Variants in ELAC1 observed in about 807,000 individuals in gnomAD.
The protein encoded by ELAC1 is zinc phosphodiesterase ELAC protein 1.
In ELAC1, 19 loss-of-function variants were observed where a neutral mutation model predicts 25.8. The ratio of observed to expected loss-of-function variants is 0.74; its 90% confidence interval spans 0.51 to 1.08. ELAC1 has a LOEUF of 1.08. Ranked by LOEUF, ELAC1 falls within the 50% of genes least tolerant of loss-of-function variation. ELAC1 has a pLI of 0.00. For missense variants in ELAC1, 403 were observed against 434.6 expected (o/e 0.93, Z 0.65); for synonymous variants, 148 against 160.9 (o/e 0.92, Z 0.61).
chr18:50,986,748 G>T lies in ELAC1; in HGVS notation c.755G>T (p.Gly252Val), dbSNP rs1213369590. Residue 252 changes from glycine (G) to valine (V), a missense_variant, in exon 4 of 4, where the codon GGT becomes GTT. Coordinates refer to ENST00000269466, the MANE Select transcript of ELAC1 (RefSeq NM_018696.3). Reference protein sequence around the residue: ...PIVGRKICILGDCSGVVGDGG... With the variant: ...PIVGRKICILVDCSGVVGDGG... ...GTTGGAAGAAAAATCTGCATATTGG[G>T]TGACTGCTCTGGGGTTGTGGGTGAT... The T allele has an allele frequency of 1.2e-6, 2 of 1,614,164 alleles. No individual in the cohort carries two copies. The highest frequency in any genetic ancestry group is 3.3e-5 in the Admixed American group (2 of 60,006).
intron 1 of ELAC1, 80 bp downstream of exon 1, chr18:50,968,194 C>G (rs1226230461): frequency 6.6e-6 from 1 of 152,076 alleles, no homozygotes; most frequent in African/African-American, 2.4e-5. Flanking sequence ...CGGCCCGGCG[C>G]TGGGGACCTA....
rs570220984 is a variant in ELAC1 at position 50,987,284 on chromosome 18, A to T, written c.*199A>T. On this transcript the variant is annotated 3_prime_UTR_variant, in exon 4 of 4. Transcript: ENST00000269466. The stretch of plus-strand genomic sequence containing the variant: ...AATAAATCTTTTTAAGAGAAAAAAA[A>T]CCCAGCATCCTTTTTGAAGTCCAGA... 162 of 418,480 alleles carry T rather than the reference A, an allele frequency of 3.9e-4. 2 individuals carry two copies. The highest frequency in any genetic ancestry group is 3.0e-3 in the Admixed American group (75 of 25,356). 25.9% of individuals were successfully genotyped at this position (418,480 alleles called of 1,614,324 possible). A position where few individuals can be genotyped will look rare whatever the true frequency, so the allele number is the denominator to read the frequency against.
At chr18:50,981,401 A>T (rs1213595466) in intron 2 of ELAC1, among the ~76,000 whole-genome samples, 2 of 151,596 alleles carry the variant, frequency 1.3e-5, no homozygotes, top group East Asian at 1.9e-4. Context: ...TTTTTTTTTC[A>T]ACTGAGCAAT....
intron 1 of ELAC1, 135 bp from the exon 2 acceptor site, chr18:50,974,262 G>C: frequency 1.6e-6 from 1 of 626,588 alleles, no homozygotes. Context: ...CTGTGGATAT[G>C]TGTGGAATAC....
chr18:50,973,687 T>G (rs1907722242), intron 1 of ELAC1, among the ~76,000 whole-genome samples: 1 of 152,166 alleles, frequency 6.6e-6, no homozygotes, highest in South Asian at 2.1e-4. Context: ...TTGTTGTTGT[T>G]TAGTGTTTAT....
chr18:50,985,188 G>A (rs140577035), intron 3 of ELAC1, among the ~76,000 whole-genome samples: 2 of 152,120 alleles, frequency 1.3e-5, no homozygotes, highest in Non-Finnish European at 2.9e-5. Flanking sequence ...GGTGGTTTTA[G>A]GTCCAGGCTT....
chr18:50,980,800 A>C (rs540430430), intron 2 of ELAC1, among the ~76,000 whole-genome samples: 61 of 151,302 alleles, frequency 4.0e-4, no homozygotes, highest in African/African-American at 1.4e-3. Context: ...TTCTGGCCGT[A>C]GAGAGGAAGG....
At chr18:50,973,563 C>T (rs1907717944) in intron 1 of ELAC1, among the ~76,000 whole-genome samples, 1 of 152,118 alleles carries the variant, frequency 6.6e-6, no homozygotes, top group Non-Finnish European at 1.5e-5. Context: ...CATAATAGAG[C>T]ATTACTGTTA....
At chr18:50,971,547 C>G (rs1282493011) in intron 1 of ELAC1, among the ~76,000 whole-genome samples, 1 of 152,004 alleles carries the variant, frequency 6.6e-6, no homozygotes, top group African/African-American at 2.4e-5. Flanking sequence ...GCCTCCATGT[C>G]CAGCTGATTT....
chr18:50,984,594 C>G, intron 3 of ELAC1, 31 bp downstream of exon 3: 1 of 1,507,594 alleles, frequency 6.6e-7, no homozygotes, highest in Non-Finnish European at 9.1e-7. Context: ...TGTTTTTTCC[C>G]GCCTTCTCAT....
Position 50,971,908 on chromosome 18 carries a change from G to GTATATATATA in ELAC1, c.-8-2488_-8-2487insATATATATAT, listed in dbSNP as rs755062125. 2.8e-3 allele frequency among the ~76,000 whole-genome samples: 360 copies of GTATATATATA among 127,060 alleles called. 1 individual carries two copies. The highest frequency in any genetic ancestry group is 0.011 in the African/African-American group (336 of 29,400). The allele number at this position is 127,060 out of a possible 152,430, so 83.4% of individuals were successfully genotyped here. ...TATATATGTATATATGTGTGTGTGTGTGTGTATATATATATATATATATAT... is the reference window on the plus strand; with the variant it reads ...TATATATGTATATATGTGTGTGTGTGTATATATATATGTGTATATATATATATATATATAT... On this transcript the variant is annotated intron_variant, in intron 1 of 3. Coordinates refer to ENST00000269466, the MANE Select transcript of ELAC1 (RefSeq NM_018696.3).
intron 3 of ELAC1, among the ~76,000 whole-genome samples, chr18:50,985,515 C>G (rs1421091661): frequency 6.6e-6 from 1 of 152,236 alleles, no homozygotes; most frequent in Non-Finnish European, 1.5e-5. Context: ...TTCAGCACCT[C>G]TTGTGAGGTA....
chr18:50,983,702 A>C (rs980462330), intron 2 of ELAC1, among the ~76,000 whole-genome samples: 9 of 151,568 alleles, frequency 5.9e-5, no homozygotes, highest in African/African-American at 7.3e-5. Context: ...AAAAAAAAAA[A>C]AAAAAAACCA....
At chr18:50,980,721 C>A (rs919156812) in intron 2 of ELAC1, among the ~76,000 whole-genome samples, 9 of 150,422 alleles carry the variant, frequency 6.0e-5, no homozygotes, top group Admixed American at 1.3e-4. Context: ...CGAGATAGTG[C>A]CACTGCACTC....
intron 3 of ELAC1, 193 bp downstream of exon 3, chr18:50,984,756 AC>A: frequency 1.7e-6 from 1 of 591,548 alleles, no homozygotes; most frequent in East Asian, 2.8e-5. Flanking sequence ...ACATGGCGAA[AC>A]CCCATCTCTA....
chr18:50,970,770 T>C (rs996790652), intron 1 of ELAC1, among the ~76,000 whole-genome samples: 1 of 151,116 alleles, frequency 6.6e-6, no homozygotes, highest in African/African-American at 2.4e-5. Context: ...TGAAACATAA[T>C]GCAATAAATT....
At chr18:50,970,848 A>T (rs549934701) in intron 1 of ELAC1, among the ~76,000 whole-genome samples, 3 of 151,904 alleles carry the variant, frequency 2.0e-5, no homozygotes, top group Non-Finnish European at 4.4e-5. Flanking sequence ...GATAACCCAT[A>T]TTAACAGGAT....
At chr18:50,974,086 C>T (rs764319027) in intron 1 of ELAC1, among the ~76,000 whole-genome samples, 79 of 152,272 alleles carry the variant, frequency 5.2e-4, no homozygotes, top group African/African-American at 1.4e-3. Flanking sequence ...CTAGCAAGCA[C>T]GATTTTTACT....
intron 1 of ELAC1, among the ~76,000 whole-genome samples, chr18:50,971,315 C>T (rs185519917): frequency 6.0e-4 from 91 of 152,226 alleles, no homozygotes; most frequent in African/African-American, 1.6e-3. Flanking sequence ...AGCCATTTAC[C>T]GTCATCCTGG....
Sources: allele counts gnomAD v4.1 joint callset (sites outside exome capture counted in the v4.1 genomes callset), GRCh38; gene constraint gnomAD v4.1.1; transcripts MANE v1.5; gene names NCBI Gene and HGNC (gene_info 2026-07-23, HGNC 2026-07-21).